Variants in HSPG2 observed in about 807,000 individuals in gnomAD.
HSPG2 encodes the protein heparan sulfate proteoglycan 2.
A neutral mutation model predicts 526.6 loss-of-function variants in HSPG2; 278 were observed. The ratio of observed to expected loss-of-function variants is 0.53; its 90% CI spans 0.48 to 0.58. HSPG2 has a LOEUF of 0.58. HSPG2 is among the 20% of genes least tolerant of loss of function. HSPG2 has a pLI of 0.00. For missense variants in HSPG2, 5,354 were observed against 6,099.5 expected, an observed-to-expected ratio of 0.88 and a Z score of 4.07; for synonymous variants, 2,465 against 2,555.4, an observed-to-expected ratio of 0.96 and a Z score of 1.07.
intron 44 of HSPG2, among the ~76,000 whole-genome samples, 177 bp from the exon 45 acceptor site, chr1:21,856,089 G>A (rs1639320020): frequency 6.6e-6 from 1 of 152,108 alleles, no homozygotes; most frequent in Admixed American, 6.5e-5. Context: ...CCCACCTTGA[G>A]ACCTGTCCAT....
chr1:21,855,602 G>A lies in HSPG2; in HGVS notation c.5775C>T (p.Pro1925=). 2 of 1,583,834 alleles carry A rather than the reference G, an allele frequency of 1.3e-6. No homozygotes were observed. Among genetic ancestry groups the A allele is most frequent in the Admixed American group, 1.8e-5 (1 of 55,624 alleles). Reference sequence around the variant, plus strand: ...GGCACAAGTACTGGGCCTGATCCGTGGGCTCGACAGCTGGCAGGCGCAGGA... The same window carrying A: ...GGCACAAGTACTGGGCCTGATCCGTAGGCTCGACAGCTGGCAGGCGCAGGA... ...GGILRLPAVE[P]TDQAQYLCRA... Residue 1925 remains proline (P), a synonymous_variant, in exon 46 of 97, where the codon CCC becomes CCT. Transcript: ENST00000374695.
At chr1:21,875,191 C>T (rs1487400455) in intron 25 of HSPG2, 189 bp from the exon 26 acceptor site, 5 of 644,276 alleles carry the variant, frequency 7.8e-6, no homozygotes, top group African/African-American at 7.1e-5. Flanking sequence ...TACTCCAAAC[C>T]ATCACCCTTC....
Position 21,831,307 on chromosome 1 carries a change from G to A in HSPG2, c.11470C>T (p.Arg3824Cys), listed in dbSNP as rs773090351. Residue 3824 changes from arginine (R) to cysteine (C), a missense_variant, in exon 84 of 97, where the codon CGC becomes TGC. Transcript: ENST00000374695. ...SGFIGCVREL[R>C]IQGEEIVFHD... ...AAGACGATCTCCTCGCCCTGGATGCGCAGCTCCCGGACACAGCCTGGGAGG... is the reference window on the plus strand; with the variant it reads ...AAGACGATCTCCTCGCCCTGGATGCACAGCTCCCGGACACAGCCTGGGAGG... The A allele has an allele frequency of 5.0e-6, 8 of 1,613,916 alleles. No homozygotes were observed. The highest frequency in any genetic ancestry group is 1.6e-4 in the Middle Eastern group (1 of 6,084).
chr1:21,855,022 C>G (rs1313938848), intron 47 of HSPG2, 39 bp from the exon 48 acceptor site: 1 of 1,607,092 alleles, frequency 6.2e-7, no homozygotes, highest in Non-Finnish European at 8.5e-7. Flanking sequence ...CCAGAGGCAG[C>G]TGGACAACGG....
At chr1:21,903,464 G>A (rs1643204731) in intron 1 of HSPG2, among the ~76,000 whole-genome samples, 1 of 152,268 alleles carries the variant, frequency 6.6e-6, no homozygotes. Context: ...ATCTGGGCGT[G>A]GTGGCGTGCG....
At chr1:21,849,551 T>C (rs1035223235) in intron 57 of HSPG2, among the ~76,000 whole-genome samples, 6 of 152,190 alleles carry the variant, frequency 3.9e-5, no homozygotes, top group African/African-American at 1.4e-4. Flanking sequence ...TGGAAGCTTT[T>C]TCTTAGAGGT....
rs116810757 is a variant in HSPG2 at position 21,845,902 on chromosome 1, G to T, written c.8464+206C>A. On this transcript the variant is annotated intron_variant, in intron 64 of 96. Transcript: ENST00000374695. ...TGAGCATAGTCCAAAGCCTATGCTC[G>T]CAAGCCGTGGAGAGGGACAGGAACC... 3.4e-3 allele frequency among the ~76,000 whole-genome samples: 518 copies of T among 152,316 alleles called. 5 individuals carry two copies. The highest frequency in any genetic ancestry group is 0.012 in the African/African-American group (497 of 41,554).
chr1:21,841,043 C>T, intron 71 of HSPG2, 58 bp downstream of exon 71: 17 of 1,515,088 alleles, frequency 1.1e-5, no homozygotes, highest in Non-Finnish European at 1.5e-5. Flanking sequence ...TCCAAGCACC[C>T]GCTCAAGGCT....
Position 21,823,491 on chromosome 1 carries a change from G to A in HSPG2, c.13004-3C>T. ...CGTGGCCACGTCAGGGGCTCCGCCT[G>A]CCGGGAGGTGAGAGGACAGGGCCTG... On this transcript the variant is annotated splice_region_variant and splice_polypyrimidine_tract_variant and intron_variant, in intron 96 of 96. Transcript: ENST00000374695. 6.2e-7 allele frequency: 1 copy of A among 1,603,992 alleles called. No individual in the cohort carries two copies. Among genetic ancestry groups the A allele is most frequent in the Non-Finnish European group, 8.5e-7 (1 of 1,178,632 alleles).
intron 1 of HSPG2, among the ~76,000 whole-genome samples, chr1:21,916,333 C>A (rs1284778002): frequency 1.3e-5 from 2 of 152,000 alleles, no homozygotes; most frequent in Admixed American, 1.3e-4. Context: ...AACCCTGTCT[C>A]TATTAGTAAT....
In HSPG2 at chr1:21,872,071, C is replaced by T. The variant is rs562387724; in HGVS notation, c.4221+115G>A. 80 of 1,151,718 alleles carry T rather than the reference C, an allele frequency of 6.9e-5. No individual in the cohort carries two copies. The highest frequency in any genetic ancestry group is 1.0e-4 in the East Asian group (4 of 38,894). 71.3% of individuals were successfully genotyped at this position (1,151,718 alleles called of 1,614,324 possible). ...AATGTCTATGGGACTGCAAAAGCCA[C>T]GTGCCTAACCACGATATGGCCATGC... On this transcript the variant is annotated intron_variant, in intron 33 of 96. Transcript: ENST00000374695. This position sits in a 1 kb window ranked among gnomAD's most constrained non-coding sequence, Gnocchi z 5.5.
In HSPG2 at chr1:21,846,472, C is replaced by T; in HGVS notation, c.8292G>A (p.Gly2764=). 1 of 1,613,636 alleles carries T rather than the reference C, an allele frequency of 6.2e-7. No homozygotes were observed. The highest frequency in any genetic ancestry group is 8.5e-7 in the Non-Finnish European group (1 of 1,180,044). The stretch of plus-strand genomic sequence containing the variant: ...CCTGATGGTGACTGGGGAGGCTGCC[C>T]CCACGCTTGTGCCAAGTGACCTGGG... ...AHAQVTWHKR[G]GSLPSHHQTR... Residue 2764 remains glycine (G), a synonymous_variant, in exon 63 of 97, where the codon GGG becomes GGA. Coordinates refer to ENST00000374695, the MANE Select transcript of HSPG2 (RefSeq NM_005529.7).
intron 1 of HSPG2, among the ~76,000 whole-genome samples, chr1:21,914,781 T>A (rs572649970): frequency 6.6e-5 from 10 of 152,174 alleles, no homozygotes; most frequent in Non-Finnish European, 1.2e-4. Flanking sequence ...GGAGGTGACC[T>A]TGAGCTTCTC....
At chr1:21,915,204 C>CTGCCCA (rs869054683) in intron 1 of HSPG2, among the ~76,000 whole-genome samples, 4 of 52,054 alleles carry the variant, frequency 7.7e-5, no homozygotes, top group African/African-American at 2.1e-4. Flanking sequence ...CAGGGTGCCC[C>CTGCCCA]CGTCACAACA....
At chr1:21,862,829 C>T (rs1306777197) in intron 37 of HSPG2, among the ~76,000 whole-genome samples, 2 of 151,220 alleles carry the variant, frequency 1.3e-5, no homozygotes, top group African/African-American at 4.9e-5. Context: ...AATCTCAGGA[C>T]GTGGGTGGAT....
intron 33 of HSPG2, among the ~76,000 whole-genome samples, chr1:21,871,139 CT>C (rs1469229551): frequency 6.6e-6 from 1 of 152,186 alleles, no homozygotes; most frequent in Non-Finnish European, 1.5e-5. Context: ...GAGCCCACCC[CT>C]GAGCCCCTGC....
chr1:21,907,254 C>T (rs529715792), intron 1 of HSPG2, among the ~76,000 whole-genome samples: 1 of 152,132 alleles, frequency 6.6e-6, no homozygotes, highest in African/African-American at 2.4e-5. Flanking sequence ...GTGCAGAGAC[C>T]GGGGCAGGGG....
intron 71 of HSPG2, among the ~76,000 whole-genome samples, chr1:21,840,653 G>A (rs926010652): frequency 4.0e-5 from 6 of 151,896 alleles, no homozygotes; most frequent in Admixed American, 2.6e-4. Context: ...ATTGGCCAGG[G>A]TGGTCTCGAA....
intron 47 of HSPG2, 69 bp from the exon 48 acceptor site, chr1:21,855,052 G>T: frequency 6.4e-7 from 1 of 1,572,574 alleles, no homozygotes; most frequent in Non-Finnish European, 8.7e-7. Context: ...GGGACAGATA[G>T]GGCATAAAAG....
Sources: allele counts gnomAD v4.1 joint callset (sites outside exome capture counted in the v4.1 genomes callset), GRCh38; gene constraint gnomAD v4.1.1; non-coding constraint Gnocchi (gnomAD v3.1); transcripts MANE v1.5; gene names NCBI Gene and HGNC (gene_info 2026-07-23, HGNC 2026-07-21).